Variants in CEP85L observed in about 807,000 individuals in gnomAD.
CEP85L encodes the protein centrosomal protein 85L.
Under a neutral mutation model 100.3 loss-of-function variants are expected in CEP85L, and 60 were observed. That is an observed-to-expected ratio of 0.60 (90% CI 0.49 to 0.74). The LOEUF (loss-of-function observed/expected upper bound fraction) is 0.74. CEP85L is among the 30% of genes least tolerant of loss of function. The pLI is 0.00. For missense variants in CEP85L, 973 were observed against 936.2 expected (o/e 1.04, Z -0.51); for synonymous variants, 319 against 322.7 (o/e 0.99, Z 0.12).
At chr6:118,652,510 ATCAC>A, upstream of CEP85L, 1 of 1,370,106 alleles carries the variant, frequency 7.3e-7, no homozygotes, top group African/African-American at 1.5e-5. Flanking sequence ...CAGTAGGCCC[ATCAC>A]TCAGAGGTAA....
intron 2 of CEP85L, among the ~76,000 whole-genome samples, chr6:118,619,299 A>C (rs928264284): frequency 2.6e-5 from 4 of 152,304 alleles, no homozygotes; most frequent in African/African-American, 9.6e-5. Context: ...ACTCCTTACA[A>C]AATGGAGAAA....
chr6:118,616,313 C>G (rs975959696), intron 2 of CEP85L, among the ~76,000 whole-genome samples: 1 of 151,754 alleles, frequency 6.6e-6, no homozygotes, highest in Non-Finnish European at 1.5e-5. Context: ...ATCACTTGAG[C>G]CCAGGAGTTC....
intron 1 of CEP85L, among the ~76,000 whole-genome samples, chr6:118,669,193 C>T (rs940824713): frequency 6.6e-6 from 1 of 152,164 alleles, no homozygotes; most frequent in East Asian, 1.9e-4. Flanking sequence ...AGATAGGGCT[C>T]CATGTCTGTC....
chr6:118,631,931 A>G (rs1021783741), intron 2 of CEP85L, among the ~76,000 whole-genome samples: 11 of 152,216 alleles, frequency 7.2e-5, no homozygotes, highest in African/African-American at 2.7e-4. Context: ...TAAATCTATA[A>G]TTATCTCAAA....
At chr6:118,532,692 G>A (rs13437148) in intron 3 of CEP85L, among the ~76,000 whole-genome samples, 1 of 152,080 alleles carries the variant, frequency 6.6e-6, no homozygotes, top group Non-Finnish European at 1.5e-5. Flanking sequence ...TGGGGGAAAA[G>A]TAAGTCTACT....
At chr6:118,521,330 T>C (rs1776655159) in intron 4 of CEP85L, among the ~76,000 whole-genome samples, 1 of 152,218 alleles carries the variant, frequency 6.6e-6, no homozygotes. Context: ...AATTTGTATA[T>C]ACAAACATTT....
intron 6 of CEP85L, among the ~76,000 whole-genome samples, chr6:118,490,891 G>GCA (rs772150428): frequency 6.6e-6 from 1 of 151,926 alleles, no homozygotes; most frequent in Non-Finnish European, 1.5e-5. Context: ...TAATCAAAAA[G>GCA]CACACACACA....
At chr6:118,667,597 AATTTC>A in intron 1 of CEP85L, among the ~76,000 whole-genome samples, 1 of 152,342 alleles carries the variant, frequency 6.6e-6, no homozygotes, top group Middle Eastern at 3.4e-3. Flanking sequence ...TTTGCAATTT[AATTTC>A]ATTTAGGAAG....
chr6:118,617,946 C>T (rs1338242270), intron 2 of CEP85L, among the ~76,000 whole-genome samples: 2 of 152,120 alleles, frequency 1.3e-5, no homozygotes, highest in South Asian at 2.1e-4. Context: ...CAGTTAAAGG[C>T]GATTAGCAAG....
At chr6:118,704,935 C>CTAAG (rs1276784187) in intron 1 of CEP85L, among the ~76,000 whole-genome samples, 5 of 152,012 alleles carry the variant, frequency 3.3e-5, no homozygotes, top group African/African-American at 1.2e-4. Context: ...CTTCCTGTTT[C>CTAAG]TAAGTATTTA....
chr6:118,561,793 GT>G (rs913441910), intron 3 of CEP85L, among the ~76,000 whole-genome samples: 6 of 151,992 alleles, frequency 3.9e-5, no homozygotes, highest in African/African-American at 1.4e-4. Context: ...TTTTATAGGG[GT>G]TTTTTTGGTG....
At chr6:118,672,920 G>C (rs868851847) in intron 1 of CEP85L, among the ~76,000 whole-genome samples, 9 of 152,102 alleles carry the variant, frequency 5.9e-5, no homozygotes, top group African/African-American at 2.2e-4. Context: ...GGGAGGAGGA[G>C]GAGGAGCTCC....
chr6:118,658,427 T>C (rs1775868111), intron 1 of CEP85L, among the ~76,000 whole-genome samples: 1 of 152,184 alleles, frequency 6.6e-6, no homozygotes, highest in South Asian at 2.1e-4. Context: ...AATAGCTATA[T>C]GGGAAGGCTT....
upstream of CEP85L, among the ~76,000 whole-genome samples, chr6:118,652,141 T>A (rs1775607083): frequency 6.6e-6 from 1 of 152,118 alleles, no homozygotes; most frequent in Non-Finnish European, 1.5e-5. Context: ...CACCGGGATG[T>A]GCACCGGAAA....
chr6:118,647,819 GAAC>G (rs1200509300), intron 1 of CEP85L, among the ~76,000 whole-genome samples: 2 of 152,096 alleles, frequency 1.3e-5, no homozygotes, highest in African/African-American at 4.8e-5. Flanking sequence ...TATACATTCT[GAAC>G]AATAGGGTAA....
intron 3 of CEP85L, chr6:118,537,948 TAA>T: frequency 1.1e-6 from 1 of 938,620 alleles, no homozygotes; most frequent in Non-Finnish European, 1.3e-6. Context: ...ATACCTTAAC[TAA>T]AAAGTAAATA....
At chr6:118,629,734 A>G (rs909542657) in intron 2 of CEP85L, among the ~76,000 whole-genome samples, 5 of 152,188 alleles carry the variant, frequency 3.3e-5, no homozygotes, top group Non-Finnish European at 7.3e-5. Context: ...AACCAAAATA[A>G]AAGTCCTAAC....
chr6:118,516,610 T>A (rs1031378820), intron 4 of CEP85L, among the ~76,000 whole-genome samples: 1 of 152,230 alleles, frequency 6.6e-6, no homozygotes, highest in Admixed American at 6.5e-5. Flanking sequence ...TTTTTTCTTA[T>A]AAATTTGTTT....
intron 1 of CEP85L, among the ~76,000 whole-genome samples, chr6:118,680,316 T>G (rs1360936670): frequency 2.7e-5 from 4 of 149,444 alleles, no homozygotes; most frequent in Middle Eastern, 3.2e-3. Flanking sequence ...CTTTTTTTTT[T>G]TTTTTTTTTT....
Sources: allele counts gnomAD v4.1 joint callset (sites outside exome capture counted in the v4.1 genomes callset), GRCh38; gene constraint gnomAD v4.1.1; transcripts MANE v1.5; gene names NCBI Gene and HGNC (gene_info 2026-07-23, HGNC 2026-07-21).